DGKB: variants seen among roughly 807,000 people sequenced by gnomAD.
DGKB encodes 90 kDa diacylglycerol kinase.
In DGKB, 67 loss-of-function variants were observed where a neutral mutation model predicts 114.3. That is an observed-to-expected ratio of 0.59 (90% CI 0.48 to 0.72). The LOEUF (loss-of-function observed/expected upper bound fraction) is 0.72. Among genes scored for constraint, DGKB ranks in the 30% least tolerant of loss-of-function variants. The pLI, the probability that DGKB is intolerant of heterozygous loss-of-function variation, is 0.00. For synonymous variants in DGKB, 398 were observed against 323.1 expected (o/e 1.23, Z -2.49); for missense variants, 907 against 975.2 (o/e 0.93, Z 0.93).
At chr7:14,224,872 T>A (rs895172683) in intron 23 of DGKB, among the ~76,000 whole-genome samples, 3 of 152,062 alleles carry the variant, frequency 2.0e-5, no homozygotes, top group African/African-American at 4.8e-5. Context: ...TATGCTCTTG[T>A]TTTTAACAAT....
chr7:14,566,884 C>A (rs746675330), intron 20 of DGKB, among the ~76,000 whole-genome samples: 1 of 151,564 alleles, frequency 6.6e-6, no homozygotes, highest in Non-Finnish European at 1.5e-5. Context: ...TAAATGCATC[C>A]TCTTTATATA....
chr7:14,224,538 G>T (rs1790484650), intron 23 of DGKB, among the ~76,000 whole-genome samples: 1 of 151,866 alleles, frequency 6.6e-6, no homozygotes, highest in Admixed American at 6.6e-5. Context: ...TTGTGTATGG[G>T]TCAGATTTTC....
chr7:14,655,894 C>A (rs565182533), intron 13 of DGKB, among the ~76,000 whole-genome samples: 1 of 151,496 alleles, frequency 6.6e-6, no homozygotes, highest in African/African-American at 2.4e-5. Context: ...ATGAGAAAGG[C>A]AAAGAGAGAA....
intron 13 of DGKB, among the ~76,000 whole-genome samples, chr7:14,631,883 T>C (rs1563734325): frequency 6.6e-6 from 1 of 151,932 alleles, no homozygotes; most frequent in Non-Finnish European, 1.5e-5. Context: ...AGGAATGTAA[T>C]CCTATGGATC....
intron 21 of DGKB, among the ~76,000 whole-genome samples, chr7:14,418,723 G>A (rs1245537334): frequency 6.6e-6 from 1 of 150,972 alleles, no homozygotes; most frequent in Non-Finnish European, 1.5e-5. Context: ...TTGCTTCATA[G>A]CTAGGTTAAT....
chr7:14,766,265 T>C (rs1836441353), intron 2 of DGKB, among the ~76,000 whole-genome samples: 1 of 151,982 alleles, frequency 6.6e-6, no homozygotes, highest in South Asian at 2.1e-4. Context: ...TGCAAGAAGA[T>C]AGATTACAAA....
At chr7:14,913,189 G>T (rs1049203365) in intron 1 of DGKB, among the ~76,000 whole-genome samples, 3 of 151,808 alleles carry the variant, frequency 2.0e-5, no homozygotes, top group African/African-American at 7.3e-5. Flanking sequence ...GATTGATGGC[G>T]ATGTGACCTT....
intron 20 of DGKB, among the ~76,000 whole-genome samples, chr7:14,540,403 A>G (rs1009300105): frequency 3.3e-5 from 5 of 152,126 alleles, no homozygotes; most frequent in African/African-American, 1.2e-4. Context: ...TTTGTTTGAA[A>G]ATTAAACAAA....
At chr7:14,881,952 T>C (rs968008905) in intron 1 of DGKB, among the ~76,000 whole-genome samples, 3 of 152,078 alleles carry the variant, frequency 2.0e-5, no homozygotes, top group African/African-American at 7.2e-5. Context: ...TCACATCTCT[T>C]AATTTTTTTT....
intron 2 of DGKB, among the ~76,000 whole-genome samples, chr7:14,822,456 T>C (rs1845075775): frequency 6.6e-6 from 1 of 151,922 alleles, no homozygotes; most frequent in African/African-American, 2.4e-5. Flanking sequence ...CAGTTGAGGA[T>C]TTGGGGGAGA....
At chr7:14,568,156 G>A (rs944497192) in intron 20 of DGKB, among the ~76,000 whole-genome samples, 7 of 152,092 alleles carry the variant, frequency 4.6e-5, no homozygotes, top group Admixed American at 3.3e-4. Context: ...TGACTATACA[G>A]ACTTCTATCA....
intron 1 of DGKB, among the ~76,000 whole-genome samples, chr7:14,900,668 C>T (rs1782879115): frequency 6.6e-6 from 1 of 152,086 alleles, no homozygotes; most frequent in Admixed American, 6.6e-5. Context: ...ATTGTTAAAA[C>T]AATTTAAATA....
intron 21 of DGKB, among the ~76,000 whole-genome samples, chr7:14,364,443 G>A (rs539149756): frequency 1.3e-5 from 2 of 151,848 alleles, no homozygotes; most frequent in South Asian, 2.1e-4. Flanking sequence ...AGGAAGGAAC[G>A]AAGGAAGGGA....
intron 23 of DGKB, among the ~76,000 whole-genome samples, chr7:14,316,822 A>G (rs1210132924): frequency 6.6e-6 from 1 of 150,416 alleles, no homozygotes; most frequent in Non-Finnish European, 1.5e-5. Flanking sequence ...CCGGGCAGAG[A>G]CACAACCAAA....
chr7:14,651,250 T>C (rs1427564386), intron 13 of DGKB, among the ~76,000 whole-genome samples: 1 of 152,172 alleles, frequency 6.6e-6, no homozygotes, highest in Non-Finnish European at 1.5e-5. Context: ...AAATCCTCAA[T>C]AAAATACTGG....
At chr7:14,808,859 T>C (rs954700304) in intron 2 of DGKB, among the ~76,000 whole-genome samples, 1 of 152,084 alleles carries the variant, frequency 6.6e-6, no homozygotes, top group Admixed American at 6.6e-5. Flanking sequence ...AGTAGGTCTA[T>C]TCCTCAACTG....
Position 14,522,545 on chromosome 7 carries a change from C to T in DGKB, c.1771-44320G>A, listed in dbSNP as rs1341164894. 2.0e-5 allele frequency among the ~76,000 whole-genome samples: 3 copies of T among 152,288 alleles called. 1 individual carries two copies. The highest frequency in any genetic ancestry group is 4.1e-4 in the South Asian group (2 of 4,828). On this transcript the variant is annotated intron_variant, in intron 20 of 25. Coordinates refer to ENST00000402815, the MANE Select transcript of DGKB (RefSeq NM_001350709.2). ...CTGGTGATACTCCAAATCAAACGAG[C>T]CCTTTCGGCAGTGGCAGCAAGCCCT...
At chr7:14,324,839 TG>T (rs5882441) in intron 23 of DGKB, among the ~76,000 whole-genome samples, 133,511 of 152,126 alleles carry the variant, frequency 0.88, 58,885 homozygotes, top group African/African-American at 0.97. Context: ...AATGAGACAA[TG>T]GACGCTTCTG....
At chr7:14,220,405 A>C (rs756853453) in intron 23 of DGKB, among the ~76,000 whole-genome samples, 16 of 151,148 alleles carry the variant, frequency 1.1e-4, no homozygotes, top group Non-Finnish European at 1.5e-4. Flanking sequence ...TGGTCTTGGC[A>C]CTCTTATCTA....
Sources: allele counts gnomAD v4.1 joint callset (sites outside exome capture counted in the v4.1 genomes callset), GRCh38; gene constraint gnomAD v4.1.1; transcripts MANE v1.5; gene names NCBI Gene and HGNC (gene_info 2026-07-23, HGNC 2026-07-21).